Variants in SMARCC2 observed in about 807,000 individuals in gnomAD.
SMARCC2 encodes SWI/SNF related BAF chromatin remodeling complex subunit C2.
A neutral mutation model predicts 151.3 loss-of-function variants in SMARCC2; 15 were observed. The observed-to-expected ratio is 0.10, with a 90% CI of 0.07 to 0.15. The LOEUF (loss-of-function observed/expected upper bound fraction) is 0.15. Among genes scored for constraint, SMARCC2 ranks in the 10% least tolerant of loss-of-function variants. The probability of loss-of-function intolerance (pLI) is 1.00; values close to 1 mark genes in which losing one functional copy is unlikely to be tolerated. For synonymous variants in SMARCC2, 590 were observed against 609.5 expected (o/e 0.97, Z 0.47); for missense variants, 1,031 against 1,599.7 (o/e 0.64, Z 6.06).
rs185191465 is a variant in SMARCC2, at chr12:56,163,437, T to C, written c.*252A>G. 4.6e-4 allele frequency: 146 copies of C among 315,738 alleles called. No individual in the cohort carries two copies. Among genetic ancestry groups the C allele is most frequent in the Non-Finnish European group, 7.5e-4 (129 of 173,096 alleles). 19.6% of individuals were successfully genotyped at this position (315,738 alleles called of 1,614,324 possible). ...AAACACCTTTCACCAGCCCTTCCTT[T>C]AGGGCAGCATTCCCATCCTATCCTC... On this transcript the variant is annotated 3_prime_UTR_variant, in exon 29 of 29. Coordinates refer to ENST00000550164, the MANE Select transcript of SMARCC2 (RefSeq NM_001330288.2).
At chr12:56,178,874 G>C (rs758890250) in intron 12 of SMARCC2, 27 bp from the exon 13 acceptor site, 1 of 1,613,414 alleles carries the variant, frequency 6.2e-7, no homozygotes, top group South Asian at 1.1e-5. Flanking sequence ...AAGATGTAAG[G>C]CTGGAGCCTC....
chr12:56,167,998 A>G (rs59787021), intron 26 of SMARCC2, 62 bp downstream of exon 26: 191 of 1,325,684 alleles, frequency 1.4e-4, no homozygotes, highest in Non-Finnish European at 1.4e-4. Context: ...ACACACACAC[A>G]CGCCCCTCCG....
Position 56,189,409 on chromosome 12 carries a change from G to C in SMARCC2, c.53C>G (p.Ala18Gly), listed in dbSNP as rs200089721. Residue 18 changes from alanine (A) to glycine (G), a missense_variant, in exon 1 of 29, where the codon GCG becomes GGG. Transcript: ENST00000550164. ...GTTGTCGAACTGGGTCACGGTGTCC[G>C]CGGCCTCGTAGTACTTCACGTTGGG... Reference protein sequence around the residue: ...GGPNVKYYEAADTVTQFDNVR... With the variant: ...GGPNVKYYEAGDTVTQFDNVR... The C allele has an allele frequency of 6.5e-7, 1 of 1,539,002 alleles. No homozygotes were observed. The highest frequency in any genetic ancestry group is 8.8e-7 in the Non-Finnish European group (1 of 1,139,784).
At chr12:56,178,623 C>T in intron 13 of SMARCC2, 89 bp from the exon 14 acceptor site, 1 of 1,577,906 alleles carries the variant, frequency 6.3e-7, no homozygotes, top group South Asian at 1.1e-5. Flanking sequence ...AATGTGGACA[C>T]TAAAGATGGG....
At chr12:56,189,298 C>T (rs1484534986) in intron 1 of SMARCC2, 53 bp downstream of exon 1, 4 of 1,176,894 alleles carry the variant, frequency 3.4e-6, no homozygotes, top group South Asian at 1.5e-5. Context: ...TGCAGGGCCG[C>T]GGTCCCTTTG....
intron 11 of SMARCC2, among the ~76,000 whole-genome samples, chr12:56,180,554 C>A (rs1326745623): frequency 6.6e-6 from 1 of 151,830 alleles, no homozygotes; most frequent in African/African-American, 2.4e-5. Flanking sequence ...CAGGTGCCCA[C>A]CACCACGCCC....
In SMARCC2 at chr12:56,164,578, G is replaced by C; in HGVS notation, c.3386C>G (p.Pro1129Arg). 1 of 1,614,088 alleles carries C rather than the reference G, an allele frequency of 6.2e-7. No individual in the cohort carries two copies. Among genetic ancestry groups the C allele is most frequent in the Non-Finnish European group, 8.5e-7 (1 of 1,179,974 alleles). Reference protein sequence around the residue: ...PPPPPAPSIIPFGSLADSISI... With the variant: ...PPPPPAPSIIRFGSLADSISI... The stretch of plus-strand genomic sequence containing the variant: ...GATGGAGTCAGCTAGACTACCAAAT[G>C]GGATGATGGATGGAGCAGGAGGAGG... Residue 1129 changes from proline (P) to arginine (R), a missense_variant, in exon 28 of 29, where the codon CCA (proline) becomes CGA (arginine). Coordinates refer to ENST00000550164, the MANE Select transcript of SMARCC2 (RefSeq NM_001330288.2).
At position 56,189,340 on chromosome 12, in the gene SMARCC2, G is replaced by A. The variant is rs1877935805; in HGVS notation, c.111+11C>T. The stretch of plus-strand genomic sequence containing the variant: ...CCCCGGTCCCCGCGCGGCCCGGCCC[G>A]GCCCGCGTACCTTCTTGTAGTTCTT... On this transcript the variant is annotated intron_variant, in intron 1 of 28. Coordinates refer to ENST00000550164, the MANE Select transcript of SMARCC2 (RefSeq NM_001330288.2). 2 of 1,476,462 alleles carry A rather than the reference G, an allele frequency of 1.4e-6. No individual in the cohort carries two copies. The highest frequency in any genetic ancestry group is 2.0e-5 in the Admixed American group (1 of 49,656). The allele number at this position is 1,476,462 out of a possible 1,614,324, so 91.5% of individuals were successfully genotyped here.
intron 23 of SMARCC2, 24 bp from the exon 24 acceptor site, chr12:56,169,935 G>C: frequency 1.2e-6 from 2 of 1,610,160 alleles, no homozygotes; most frequent in South Asian, 1.1e-5. Flanking sequence ...GATAGAAAAG[G>C]AGAGTTATCA....
rs760250131 is a variant in SMARCC2, at chr12:56,171,445, G to C, written c.2186-13C>G. On this transcript the variant is annotated splice_polypyrimidine_tract_variant and intron_variant, in intron 21 of 28. Coordinates refer to ENST00000550164, the MANE Select transcript of SMARCC2 (RefSeq NM_001330288.2). This position sits in a 1 kb window ranked among gnomAD's most constrained non-coding sequence, Gnocchi z 4.2. ...TTGGAGAACTCCTCTGCAAGACCCA[G>C]AAAGAATGAGGCTGGGAGCGGCACA... 1.9e-6 allele frequency: 3 copies of C among 1,614,184 alleles called. No homozygotes were observed. The East Asian group carries it at 6.7e-5, about 36-fold the overall frequency.
In SMARCC2 at chr12:56,181,512, G is replaced by A; in HGVS notation, c.926C>T (p.Pro309Leu). ...RKRSPSPSPT[P>L]EAKKKNAKKG... ...CTTAGCATTTTTCTTCTTTGCTTCT[G>A]GGGTTGGTGAAGGAGAGGGGGAGCG... Residue 309 changes from proline (P) to leucine (L), a missense_variant, in exon 10 of 29, where the codon CCA (proline) becomes CTA (leucine). Coordinates refer to ENST00000550164, the MANE Select transcript of SMARCC2 (RefSeq NM_001330288.2). 1 of 1,557,508 alleles carries A rather than the reference G, an allele frequency of 6.4e-7. No individual in the cohort carries two copies. Among genetic ancestry groups the A allele is most frequent in the East Asian group, 2.2e-5 (1 of 44,554 alleles).
intron 2 of SMARCC2, chr12:56,186,936 C>A: frequency 3.1e-6 from 1 of 325,554 alleles, no homozygotes; most frequent in South Asian, 3.8e-5. Flanking sequence ...TTAACCATGC[C>A]ATGAGAGACC....
chr12:56,174,626 C>T (rs371624397), intron 16 of SMARCC2, 25 bp downstream of exon 16: 4 of 1,487,592 alleles, frequency 2.7e-6, no homozygotes, highest in Admixed American at 3.3e-5. Context: ...TCATGTACCC[C>T]CTTCCCCTCA....
Position 56,186,207 on chromosome 12 carries a change from A to T in SMARCC2, c.265T>A (p.Ser89Thr). ...GCAGCTGCAAGAATGTGGCACAAGG[A>T]GCCTCCCGCTTTGAAATCTAGGAAA... Reference protein sequence around the residue: ...KCFLDFKAGGSLCHILAAAYK... With the variant: ...KCFLDFKAGGTLCHILAAAYK... Residue 89 changes from serine to threonine, a missense_variant, in exon 3 of 29, where the codon TCC becomes ACC. Ser to Thr is a moderately conservative substitution (Grantham distance 58). Transcript: ENST00000550164. 6.2e-7 allele frequency: 1 copy of T among 1,613,148 alleles called. No homozygotes were observed. The highest frequency in any genetic ancestry group is 8.5e-7 in the Non-Finnish European group (1 of 1,179,060).
rs1019776255 is a variant in SMARCC2 at position 56,178,421 on chromosome 12, G to T, written c.1293C>A (p.Ala431=). The part of the protein sequence containing the change: ...THHIIIPSYA[A]WFDYNSVHAI... ...AACCATACCTATTGTAGTCAAACCAGGCAGCGTAGCTGGGAATGATGATGT... is the reference window on the plus strand; with the variant it reads ...AACCATACCTATTGTAGTCAAACCATGCAGCGTAGCTGGGAATGATGATGT... The change falls in exon 14 of 29, where the codon GCC becomes GCA. Residue 431 remains alanine, a synonymous_variant. Coordinates refer to ENST00000550164, the MANE Select transcript of SMARCC2 (RefSeq NM_001330288.2). 1.9e-6 allele frequency: 3 copies of T among 1,614,110 alleles called. No homozygotes were observed. The African/African-American group carries it at 4.0e-5, about 22-fold the overall frequency.
chr12:56,183,109 G>C (rs753221900), intron 7 of SMARCC2, among the ~76,000 whole-genome samples: 3 of 151,828 alleles, frequency 2.0e-5, no homozygotes, highest in Non-Finnish European at 4.4e-5. Flanking sequence ...CCAAGTGCTG[G>C]GATTATAGGC....
In SMARCC2 at chr12:56,174,674, C is replaced by T; in HGVS notation, c.1473G>A (p.Ala491=). The T allele has an allele frequency of 6.2e-7, 1 of 1,613,612 alleles. No individual in the cohort carries two copies. The highest frequency in any genetic ancestry group is 8.5e-7 in the Non-Finnish European group (1 of 1,179,694). ...LTSTACRRNL[A]GDVCAIMRVH... ...ACCTCATGATGGCACAGACATCACC[C>T]GCTAGGTTTCGGCGGCAGGCGGTAG... The change falls in exon 16 of 29, where the codon GCG becomes GCA. Residue 491 remains alanine (A), a synonymous_variant. Transcript: ENST00000550164.
chr12:56,172,076 G>A, intron 20 of SMARCC2, 139 bp from the exon 21 acceptor site: 1 of 700,788 alleles, frequency 1.4e-6, no homozygotes, highest in Non-Finnish European at 2.4e-6. Flanking sequence ...GTCCAAGGGG[G>A]ATCTTGAAGT....
chr12:56,181,432 A>C, intron 10 of SMARCC2, 50 bp downstream of exon 10: 1 of 1,149,924 alleles, frequency 8.7e-7, no homozygotes, highest in Non-Finnish European at 1.2e-6. Flanking sequence ...TTCCTTCAAC[A>C]TGATGTGGAG....
Sources: allele counts gnomAD v4.1 joint callset (sites outside exome capture counted in the v4.1 genomes callset), GRCh38; gene constraint gnomAD v4.1.1; non-coding constraint Gnocchi (gnomAD v3.1); transcripts MANE v1.5; gene names NCBI Gene and HGNC (gene_info 2026-07-23, HGNC 2026-07-21).